DSCAM: variants seen among roughly 807,000 people sequenced by gnomAD.
The protein encoded by DSCAM is DS cell adhesion molecule.
Under a neutral mutation model 217.7 loss-of-function variants are expected in DSCAM, and 47 were observed. The ratio of observed to expected loss-of-function variants is 0.22; its 90% confidence interval spans 0.17 to 0.28. The LOEUF is 0.28. DSCAM is among the 10% of genes least tolerant of loss of function. The pLI is 1.00. For synonymous variants in DSCAM, 1,056 were observed against 1,015.3 expected (o/e 1.04, Z -0.76); for missense variants, 2,080 against 2,618.3 (o/e 0.79, Z 4.49).
chr21:40,732,717 A>G (rs1313711590), intron 1 of DSCAM, among the ~76,000 whole-genome samples: 1 of 152,256 alleles, frequency 6.6e-6, no homozygotes, highest in African/African-American at 2.4e-5. Flanking sequence ...CCTGAATCCA[A>G]GACAAATGCA....
chr21:40,701,545 T>C (rs2090656581), intron 2 of DSCAM, among the ~76,000 whole-genome samples: 1 of 152,142 alleles, frequency 6.6e-6, no homozygotes, highest in Non-Finnish European at 1.5e-5. Flanking sequence ...AAATTTCTAA[T>C]ATAAGTTTTT....
intron 20 of DSCAM, among the ~76,000 whole-genome samples, chr21:40,101,789 G>C (rs57921150): frequency 0.23 from 35,143 of 151,864 alleles, 4,469 homozygotes; most frequent in African/African-American, 0.34. Flanking sequence ...GAGGTGGTGG[G>C]GGGGGGTCCA....
intron 16 of DSCAM, among the ~76,000 whole-genome samples, chr21:40,165,493 A>G (rs1274520516): frequency 6.6e-6 from 1 of 152,236 alleles, no homozygotes; most frequent in African/African-American, 2.4e-5. Context: ...TCGATTCACA[A>G]TCTAATGAGA....
At position 40,609,928 on chromosome 21, in the gene DSCAM, A is replaced by G. The variant is rs570243807; in HGVS notation, c.508+82882T>C. Among the ~76,000 whole-genome samples, 34 of 152,316 alleles carry G rather than the reference A, an allele frequency of 2.2e-4. No individual in the cohort carries two copies. In the South Asian group the frequency reaches 6.4e-3, roughly 29 times the overall value. ...TATTACTCAGTGCTCTTATATCAAG[A>G]TGATTCTGGTGACAGTCCAACAAAG... On this transcript the variant is annotated intron_variant, in intron 3 of 32. Coordinates refer to ENST00000400454, the MANE Select transcript of DSCAM (RefSeq NM_001389.5).
chr21:40,770,091 A>G (rs189923944), intron 1 of DSCAM, among the ~76,000 whole-genome samples: 1 of 152,016 alleles, frequency 6.6e-6, no homozygotes, highest in East Asian at 1.9e-4. Context: ...ATAACACTGA[A>G]CTCTTCCCCG....
At chr21:40,157,678 C>G (rs1018862783) in intron 16 of DSCAM, among the ~76,000 whole-genome samples, 1 of 127,858 alleles carries the variant, frequency 7.8e-6, no homozygotes, top group Admixed American at 8.4e-5. Flanking sequence ...GGCTTTGTCT[C>G]TCTTTCCTTT....
intron 1 of DSCAM, among the ~76,000 whole-genome samples, chr21:40,772,300 C>G (rs1179479605): frequency 6.6e-6 from 1 of 152,152 alleles, no homozygotes. Flanking sequence ...TCCTGAGTAG[C>G]TGGGATTACA....
chr21:40,431,248 A>G (rs933959125), intron 3 of DSCAM, among the ~76,000 whole-genome samples: 1 of 152,228 alleles, frequency 6.6e-6, no homozygotes, highest in Non-Finnish European at 1.5e-5. Context: ...TTTCACTGAT[A>G]CACAAATTTT....
intron 32 of DSCAM, among the ~76,000 whole-genome samples, chr21:40,036,274 C>A (rs1219159903): frequency 2.7e-5 from 4 of 149,358 alleles, no homozygotes; most frequent in Non-Finnish European, 5.9e-5. Flanking sequence ...GCTAGCAAGA[C>A]TAATAAAGAG....
chr21:40,346,940 G>T (rs570413925), intron 6 of DSCAM, among the ~76,000 whole-genome samples: 1 of 152,270 alleles, frequency 6.6e-6, no homozygotes, highest in Non-Finnish European at 1.5e-5. Context: ...ATTTTTGGTT[G>T]TAACAACTTG....
chr21:40,138,884 G>T (rs1456468525), intron 18 of DSCAM, among the ~76,000 whole-genome samples: 1 of 148,054 alleles, frequency 6.8e-6, no homozygotes, highest in Admixed American at 6.7e-5. Flanking sequence ...TGTGGGGTGT[G>T]TGTGGTGTGT....
intron 1 of DSCAM, among the ~76,000 whole-genome samples, chr21:40,826,551 G>A (rs1344216351): frequency 6.6e-6 from 1 of 152,226 alleles, no homozygotes; most frequent in African/African-American, 2.4e-5. Context: ...TATCATGATA[G>A]TCCAGGCAAA....
At chr21:40,396,558 G>A (rs377415810) in intron 3 of DSCAM, among the ~76,000 whole-genome samples, 1 of 152,220 alleles carries the variant, frequency 6.6e-6, no homozygotes, top group African/African-American at 2.4e-5. Context: ...CACCAGGAAC[G>A]GAACACTTAA....
chr21:40,378,551 CTTATTTTTTTTTTTTTTTTTTTTTTT>C (rs1569094158), intron 3 of DSCAM, among the ~76,000 whole-genome samples: 8 of 101,404 alleles, frequency 7.9e-5, no homozygotes, highest in African/African-American at 2.5e-4. Context: ...ACAATGAAAA[CTTATTTTTTTTTTTTTTTTTTTTTTT>C]TTTTTTTTTT....
chr21:40,425,422 G>A (rs1462850147), intron 3 of DSCAM, among the ~76,000 whole-genome samples: 1 of 152,004 alleles, frequency 6.6e-6, no homozygotes, highest in African/African-American at 2.4e-5. Flanking sequence ...GTTAACGGGT[G>A]CAGCACACCA....
chr21:40,531,280 C>T (rs2076444621), intron 3 of DSCAM, among the ~76,000 whole-genome samples: 1 of 152,218 alleles, frequency 6.6e-6, no homozygotes, highest in South Asian at 2.1e-4. Flanking sequence ...GCGCATTATG[C>T]ACCCTCTGGG....
At chr21:40,646,915 C>T (rs2089954727) in intron 3 of DSCAM, among the ~76,000 whole-genome samples, 1 of 152,214 alleles carries the variant, frequency 6.6e-6, no homozygotes, top group African/African-American at 2.4e-5. Flanking sequence ...AGGGTTTCTG[C>T]CAATATTCTC....
intron 3 of DSCAM, among the ~76,000 whole-genome samples, chr21:40,576,268 T>C (rs2076849820): frequency 6.6e-6 from 1 of 152,250 alleles, no homozygotes; most frequent in Non-Finnish European, 1.5e-5. Flanking sequence ...ACAACATGTG[T>C]GAATTTCAGA....
chr21:40,518,518 A>ATT (rs2076330626), intron 3 of DSCAM, among the ~76,000 whole-genome samples: 1 of 27,386 alleles, frequency 3.7e-5, no homozygotes, highest in African/African-American at 2.9e-4. Context: ...TAATATATAT[A>ATT]ATATATATTT....
Sources: gnomAD v4.1 joint callset for allele counts (sites outside exome capture counted in the v4.1 genomes callset) on GRCh38, gnomAD v4.1.1 for gene constraint, MANE v1.5 for transcripts, NCBI Gene and HGNC (gene_info 2026-07-23, HGNC 2026-07-21) for gene names.